The following KCTD16 variants were observed in gnomAD, a reference collection of about 807,000 sequenced individuals.
KCTD16 encodes potassium channel tetramerization domain containing 16, also known as BTB/POZ domain-containing protein KCTD16.
Under a neutral mutation model 33.2 loss-of-function variants are expected in KCTD16, and 13 were observed. The observed-to-expected ratio is 0.39, with a 90% CI of 0.25 to 0.62. The LOEUF (loss-of-function observed/expected upper bound fraction) is 0.62, where lower values mean the gene tolerates loss of function less well. Among genes scored for constraint, KCTD16 ranks in the 20% least tolerant of loss-of-function variants. KCTD16 has a pLI of 0.50. For synonymous variants in KCTD16, 197 were observed against 195.3 expected (o/e 1.01, Z -0.07); for missense variants, 441 against 525.1 (o/e 0.84, Z 1.57).
chr5:144,240,381 T>C (rs1754370744), intron 3 of KCTD16, among the ~76,000 whole-genome samples: 1 of 152,130 alleles, frequency 6.6e-6, no homozygotes, highest in Non-Finnish European at 1.5e-5. Context: ...CAGTGTGTAT[T>C]TTTTCTTTGT....
intron 3 of KCTD16, among the ~76,000 whole-genome samples, chr5:144,357,986 C>T (rs1240123605): frequency 2.0e-5 from 3 of 152,026 alleles, no homozygotes; most frequent in Admixed American, 6.6e-5. Flanking sequence ...CACAGTGGTG[C>T]AATCATAGTT....
In KCTD16 at chr5:144,206,510, T is replaced by C. The variant is rs1478045103; in HGVS notation, c.-205T>C. The stretch of plus-strand genomic sequence containing the variant: ...GCTCACTACCATCCACCATCCAGGG[T>C]TTAAACTACTTTTTCAGCATCACTT... On this transcript the variant is annotated 5_prime_UTR_variant, in exon 3 of 4. Transcript: ENST00000512467. 5 of 527,296 alleles carry C rather than the reference T, an allele frequency of 9.5e-6. No homozygotes were observed. The highest frequency in any genetic ancestry group is 1.7e-5 in the Non-Finnish European group (5 of 300,070). 32.7% of individuals were successfully genotyped at this position (527,296 alleles called of 1,614,324 possible).
At position 144,322,682 on chromosome 5, in the gene KCTD16, T is replaced by TG. The variant is rs1344193565; in HGVS notation, c.832+115139dup. ...ATTCTATATTTTGCTTAAGCCATTG[T>TG]GGGTGGTGCTTCTCACAATAACAAC... On this transcript the variant is annotated intron_variant, in intron 3 of 3. Transcript: ENST00000512467. Among the ~76,000 whole-genome samples the TG allele has an allele frequency of 4.0e-5, 6 of 151,880 alleles. No homozygotes were observed. The East Asian group carries it at 1.2e-3, about 29-fold the overall frequency.
chr5:144,400,616 G>A (rs990279691), intron 3 of KCTD16, among the ~76,000 whole-genome samples: 3 of 152,156 alleles, frequency 2.0e-5, no homozygotes, highest in East Asian at 3.9e-4. Flanking sequence ...CTATGTGCCA[G>A]GCACTGTTTT....
chr5:144,335,269 T>C (rs1425996254), intron 3 of KCTD16, among the ~76,000 whole-genome samples: 1 of 152,172 alleles, frequency 6.6e-6, no homozygotes, highest in African/African-American at 2.4e-5. Context: ...TACAGCATAC[T>C]GCTAAAAGTG....
intron 3 of KCTD16, among the ~76,000 whole-genome samples, chr5:144,438,041 A>G (rs979586230): frequency 1.3e-5 from 2 of 152,250 alleles, no homozygotes; most frequent in African/African-American, 4.8e-5. Flanking sequence ...TAATTTTTAA[A>G]ATATTGATTA....
chr5:144,329,588 T>C (rs1209870413), intron 3 of KCTD16, among the ~76,000 whole-genome samples: 1 of 152,216 alleles, frequency 6.6e-6, no homozygotes, highest in Non-Finnish European at 1.5e-5. Flanking sequence ...AGCTCTATTA[T>C]GTACCAAAAC....
intron 3 of KCTD16, among the ~76,000 whole-genome samples, chr5:144,238,926 A>G (rs570045659): frequency 9.6e-4 from 146 of 152,258 alleles, no homozygotes; most frequent in Non-Finnish European, 1.8e-3. Flanking sequence ...GGAGAAGACA[A>G]ACAAGTTGGT....
At chr5:144,419,624 A>G (rs954134846) in intron 3 of KCTD16, among the ~76,000 whole-genome samples, 2 of 152,122 alleles carry the variant, frequency 1.3e-5, no homozygotes, top group Non-Finnish European at 2.9e-5. Flanking sequence ...ATGGAGATGA[A>G]GAGGGAATAA....
intron 3 of KCTD16, among the ~76,000 whole-genome samples, chr5:144,398,086 G>A (rs1752615460): frequency 6.6e-6 from 1 of 151,998 alleles, no homozygotes. Flanking sequence ...AGCATGGATT[G>A]ATTATTTTGT....
intron 3 of KCTD16, among the ~76,000 whole-genome samples, chr5:144,409,334 A>G (rs2126952464): frequency 6.6e-6 from 1 of 152,308 alleles, no homozygotes; most frequent in South Asian, 2.1e-4. Context: ...ACTTGCCACA[A>G]AAGCATATTA....
intron 3 of KCTD16, among the ~76,000 whole-genome samples, chr5:144,271,352 A>G (rs1365372316): frequency 1.3e-5 from 2 of 152,110 alleles, no homozygotes; most frequent in African/African-American, 4.8e-5. Context: ...GATTCAACAT[A>G]TGAAAATCAA....
intron 3 of KCTD16, among the ~76,000 whole-genome samples, chr5:144,261,681 A>C (rs1049356237): frequency 6.6e-6 from 1 of 152,232 alleles, no homozygotes; most frequent in Non-Finnish European, 1.5e-5. Flanking sequence ...AATTCCTTGC[A>C]GTTTCACTGC....
rs577208684 is a variant in KCTD16 at position 144,476,839 on chromosome 5, C to T, written c.*2725C>T. 2.0e-5 allele frequency: 3 copies of T among 152,022 alleles called. No homozygotes were observed. The highest frequency in any genetic ancestry group is 4.8e-5 in the African/African-American group (2 of 41,456). The allele number at this position is 152,022 out of a possible 1,614,324, so 9.4% of individuals were successfully genotyped here. A position where few individuals can be genotyped will look rare whatever the true frequency, so the allele number is the denominator to read the frequency against. ...AGTCACTGTGACTCGGGCATGTTTC[C>T]CTGAAGTTAAAATAGTTTTTAGAAC... On this transcript the variant is annotated 3_prime_UTR_variant, in exon 4 of 4. Transcript: ENST00000512467.
At chr5:144,390,577 T>C (rs954072511) in intron 3 of KCTD16, among the ~76,000 whole-genome samples, 1 of 152,082 alleles carries the variant, frequency 6.6e-6, no homozygotes, top group Non-Finnish European at 1.5e-5. Context: ...GTGCAGAACA[T>C]GCAGGTTTGT....
intron 3 of KCTD16, among the ~76,000 whole-genome samples, chr5:144,404,019 A>G (rs1426102463): frequency 2.0e-5 from 3 of 152,096 alleles, no homozygotes; most frequent in South Asian, 2.1e-4. Flanking sequence ...CCAGGCCCTT[A>G]TTTCATGGGA....
At chr5:144,400,001 G>T (rs1752666932) in intron 3 of KCTD16, among the ~76,000 whole-genome samples, 1 of 152,162 alleles carries the variant, frequency 6.6e-6, no homozygotes, top group Non-Finnish European at 1.5e-5. Context: ...CCACAAAGTA[G>T]ACATGATGGT....
At chr5:144,181,396 C>CA (rs1752623235) in intron 2 of KCTD16, among the ~76,000 whole-genome samples, 1 of 152,218 alleles carries the variant, frequency 6.6e-6, no homozygotes, top group Non-Finnish European at 1.5e-5. Flanking sequence ...GTAGCAGTAT[C>CA]TACACAGCAA....
rs1036228251 is a variant in KCTD16 at position 144,484,803 on chromosome 5, T to C, written c.*10689T>C. 3 of 152,028 alleles carry C rather than the reference T, an allele frequency of 2.0e-5. No individual in the cohort carries two copies. The highest frequency in any genetic ancestry group is 4.4e-5 in the Non-Finnish European group (3 of 67,942). 9.4% of individuals were successfully genotyped at this position (152,028 alleles called of 1,614,324 possible). On this transcript the variant is annotated 3_prime_UTR_variant, in exon 4 of 4. Coordinates refer to ENST00000512467, the MANE Select transcript of KCTD16 (RefSeq NM_020768.4). ...TTGATGAATAACAAGTGACACCCAA[T>C]GAAATTACCTCTTCTCCTTTCCAAT...
Sources: allele counts gnomAD v4.1 joint callset (sites outside exome capture counted in the v4.1 genomes callset), GRCh38; gene constraint gnomAD v4.1.1; transcripts MANE v1.5; gene names NCBI Gene and HGNC (gene_info 2026-07-23, HGNC 2026-07-21).